The following VPS37A variants were observed in gnomAD, a reference collection of about 807,000 sequenced individuals.
The protein encoded by VPS37A is VPS37A subunit of ESCRT-I.
In VPS37A, 30 loss-of-function variants were observed where a neutral mutation model predicts 49.8. That is an observed-to-expected ratio of 0.60 (90% CI 0.45 to 0.82). The LOEUF (loss-of-function observed/expected upper bound fraction) is 0.82. Among genes scored for constraint, VPS37A ranks in the 40% least tolerant of loss-of-function variants. The pLI, the probability that VPS37A is intolerant of heterozygous loss-of-function variation, is 0.00. For missense variants in VPS37A, 593 were observed against 464.4 expected (o/e 1.28, Z -2.55); for synonymous variants, 195 against 160.6 (o/e 1.21, Z -1.62).
At chr8:17,309,368 G>A in the VPS37A span, 1,588 of 1,310,900 alleles carry the variant, frequency 1.2e-3, 15 homozygotes, top group African/African-American at 0.02. Context: ...AGAAGCAAAC[G>A]AAAAATAAGA....
At chr8:17,322,554 T>C in the VPS37A span, among the ~76,000 whole-genome samples, 40,844 of 152,066 alleles carry the variant, frequency 0.27, 6,430 homozygotes, top group East Asian at 0.42. Context: ...GCACATTGGG[T>C]CATGCCTGTA....
chr8:17,291,906 T>G (rs1816193563), intron 11 of VPS37A, among the ~76,000 whole-genome samples: 2 of 152,198 alleles, frequency 1.3e-5, no homozygotes, highest in Admixed American at 1.3e-4. Flanking sequence ...GTGGCCAATT[T>G]TAGAATAATT....
chr8:17,252,249 C>T (rs1007151295), intron 1 of VPS37A, among the ~76,000 whole-genome samples: 7 of 152,130 alleles, frequency 4.6e-5, no homozygotes, highest in East Asian at 1.9e-4. Context: ...CACAGCTTAC[C>T]GCAGCAATCC....
intron 1 of VPS37A, among the ~76,000 whole-genome samples, chr8:17,261,614 A>G (rs955707644): frequency 4.0e-5 from 6 of 151,308 alleles, no homozygotes; most frequent in Admixed American, 6.6e-5. Context: ...TATTGAATGT[A>G]TTTGCTTAAA....
the VPS37A span, chr8:17,313,140 T>G: frequency 1.7e-5 from 8 of 483,936 alleles, no homozygotes; most frequent in South Asian, 4.2e-4. Context: ...AAATCATATC[T>G]TCAGCGCACA....
At position 17,266,069 on chromosome 8, in the gene VPS37A, G is replaced by A. The variant is rs937688845; in HGVS notation, c.200+88G>A. ...TAGTTATTAGAAATAAACTTTTAAG[G>A]TGAACTTATTTCAAGTAACTATAAT... On this transcript the variant is annotated intron_variant, in intron 2 of 11. Transcript: ENST00000324849. 11 of 1,174,202 alleles carry A rather than the reference G, an allele frequency of 9.4e-6. No individual in the cohort carries two copies. The African/African-American group carries it at 1.7e-4, about 18-fold the overall frequency. 72.7% of individuals were successfully genotyped at this position (1,174,202 alleles called of 1,614,324 possible).
intron 4 of VPS37A, among the ~76,000 whole-genome samples, chr8:17,274,096 G>A (rs1018354968): frequency 1.3e-5 from 2 of 152,098 alleles, no homozygotes; most frequent in African/African-American, 4.8e-5. Flanking sequence ...TTGCTAAGGG[G>A]AAAAAATGTT....
Position 17,289,847 on chromosome 8 carries a change from T to C in VPS37A, c.*3420T>C, listed in dbSNP as rs1195433502. 2.6e-5 allele frequency among the ~76,000 whole-genome samples: 4 copies of C among 152,224 alleles called. No homozygotes were observed. The East Asian group carries it at 7.7e-4, about 29-fold the overall frequency. Reference sequence around the variant, plus strand: ...TTTCTATCCATGAGCATGGAATGTTTTTCCATTTGTTTGTGTCCTCTCTTA... The same window carrying C: ...TTTCTATCCATGAGCATGGAATGTTCTTCCATTTGTTTGTGTCCTCTCTTA... On this transcript the variant is annotated intron_variant, in intron 11 of 11. Transcript: ENST00000324849.
chr8:17,284,179 A>T lies in VPS37A; in HGVS notation c.970-294A>T, dbSNP rs1481610021. ...CATTAGTGGAGCGTCTCCTTAGCAT[A>T]TATCTACCACAGTGATTTAATTCGT... is the stretch of plus-strand genomic sequence containing the variant. On this transcript the variant is annotated intron_variant, in intron 9 of 11. Transcript: ENST00000324849. 6.6e-6 allele frequency among the ~76,000 whole-genome samples: 1 copy of T among 152,230 alleles called. No individual in the cohort carries two copies. The highest frequency in any genetic ancestry group is 1.5e-5 in the Non-Finnish European group (1 of 68,048).
chr8:17,253,735 A>G (rs1812184018), intron 1 of VPS37A, among the ~76,000 whole-genome samples: 1 of 152,166 alleles, frequency 6.6e-6, no homozygotes, highest in South Asian at 2.1e-4. Context: ...CTCTTTGTAC[A>G]TCTCAGTCAT....
At chr8:17,277,221 A>G (rs1353519502) in intron 6 of VPS37A, among the ~76,000 whole-genome samples, 1 of 152,096 alleles carries the variant, frequency 6.6e-6, no homozygotes, top group Non-Finnish European at 1.5e-5. Context: ...CCAGTGTTTT[A>G]TAGTCATTTT....
chr8:17,310,710 C>T, the VPS37A span, among the ~76,000 whole-genome samples: 1 of 152,194 alleles, frequency 6.6e-6, no homozygotes, highest in African/African-American at 2.4e-5. Context: ...CCTCTTCGCT[C>T]TTGTCCGAGG....
At chr8:17,309,977 G>A in the VPS37A span, among the ~76,000 whole-genome samples, 22 of 152,100 alleles carry the variant, frequency 1.4e-4, no homozygotes, top group African/African-American at 4.8e-4. Flanking sequence ...ATTTATTTTG[G>A]TTTTGTATTT....
intron 4 of VPS37A, among the ~76,000 whole-genome samples, chr8:17,272,533 A>C (rs1367699141): frequency 2.0e-5 from 3 of 152,238 alleles, no homozygotes; most frequent in African/African-American, 7.2e-5. Context: ...CCATTATTAA[A>C]AATCAAGTTT....
At chr8:17,309,579 C>T in the VPS37A span, among the ~76,000 whole-genome samples, 2 of 152,148 alleles carry the variant, frequency 1.3e-5, no homozygotes, top group Admixed American at 6.5e-5. Flanking sequence ...TGAATGCTTC[C>T]TATGTGCCAG....
At chr8:17,247,875 G>T (rs1385418300) in intron 1 of VPS37A, 2 of 656,448 alleles carry the variant, frequency 3.0e-6, no homozygotes, top group African/African-American at 1.8e-5. Context: ...CACGTAGTCA[G>T]TCTTCTTGAG....
chr8:17,279,357 C>G (rs557870082), intron 6 of VPS37A, among the ~76,000 whole-genome samples: 1 of 152,222 alleles, frequency 6.6e-6, no homozygotes, highest in East Asian at 1.9e-4. Flanking sequence ...ACTCTGGCCT[C>G]TTTTCAGCTC....
chr8:17,324,271 C>T, the VPS37A span, among the ~76,000 whole-genome samples: 4 of 152,158 alleles, frequency 2.6e-5, no homozygotes, highest in Admixed American at 6.5e-5. Context: ...AATAGATGAG[C>T]GTCTGCGATA....
chr8:17,287,052 A>G (rs1815668039), intron 11 of VPS37A, among the ~76,000 whole-genome samples: 1 of 152,118 alleles, frequency 6.6e-6, no homozygotes, highest in African/African-American at 2.4e-5. Flanking sequence ...TTTTCCCCTT[A>G]CATTGCGTTG....
Sources: gnomAD v4.1 joint callset for allele counts (sites outside exome capture counted in the v4.1 genomes callset) on GRCh38, gnomAD v4.1.1 for gene constraint, MANE v1.5 for transcripts, NCBI Gene and HGNC (gene_info 2026-07-23, HGNC 2026-07-21) for gene names.